Variants in SAMD4A observed in about 807,000 individuals in gnomAD.
The protein encoded by SAMD4A is protein Smaug homolog 1.
A neutral mutation model predicts 81.3 loss-of-function variants in SAMD4A; 33 were observed. The observed-to-expected ratio is 0.41, with a 90% CI of 0.31 to 0.54. The LOEUF (loss-of-function observed/expected upper bound fraction) is 0.54. SAMD4A is among the 20% of genes least tolerant of loss of function. The pLI, the probability that SAMD4A is intolerant of heterozygous loss-of-function variation, is 0.37. For synonymous variants in SAMD4A, 389 were observed against 382.1 expected, an observed-to-expected ratio of 1.02 and a Z score of -0.21; for missense variants, 854 against 951.1, an observed-to-expected ratio of 0.90 and a Z score of 1.34.
chr14:54,703,766 G>C (rs2036780889), intron 3 of SAMD4A: 1 of 152,222 alleles, frequency 6.6e-6, no homozygotes, highest in African/African-American at 2.4e-5. Context: ...CTACTCGGGA[G>C]GCTGAGGTTA....
rs1383274649 is a variant in SAMD4A at position 54,760,205 on chromosome 14, G to A, written c.1221G>A (p.Leu407=). ...GCCTGCGCATCCCGCTCCAGGAACTGCACCAGATGATCCTGACTCCGATCA... is the reference window on the plus strand; with the variant it reads ...GCCTGCGCATCCCGCTCCAGGAACTACACCAGATGATCCTGACTCCGATCA... The part of the protein sequence containing the change: ...GGSLRIPLQE[L]HQMILTPIKA... Residue 407 remains leucine, a synonymous_variant, in exon 7 of 13, where the codon CTG becomes CTA. Transcript: ENST00000554335. 1.9e-6 allele frequency: 3 copies of A among 1,613,332 alleles called. No individual in the cohort carries two copies. In the African/African-American group the frequency reaches 4.0e-5, roughly 22 times the overall value.
At chr14:54,582,464 G>T (rs750319182) in intron 2 of SAMD4A, among the ~76,000 whole-genome samples, 1 of 152,154 alleles carries the variant, frequency 6.6e-6, no homozygotes, top group African/African-American at 2.4e-5. Flanking sequence ...CAAAGAAGAA[G>T]ATGCCTCGTC....
intron 2 of SAMD4A, among the ~76,000 whole-genome samples, chr14:54,628,859 T>C: frequency 6.6e-6 from 1 of 152,188 alleles, no homozygotes; most frequent in East Asian, 1.9e-4. Context: ...TTGTCTCTAA[T>C]GGATCTGTAT....
chr14:54,587,125 C>T (rs2033644173), intron 2 of SAMD4A, among the ~76,000 whole-genome samples: 1 of 151,962 alleles, frequency 6.6e-6, no homozygotes, highest in Non-Finnish European at 1.5e-5. Flanking sequence ...TGTAGTTTTC[C>T]TTATAGGGAT....
intron 2 of SAMD4A, among the ~76,000 whole-genome samples, chr14:54,649,198 G>T (rs755512441): frequency 6.6e-6 from 1 of 152,196 alleles, no homozygotes; most frequent in Non-Finnish European, 1.5e-5. Flanking sequence ...TTGAACATGT[G>T]ATCCTGGAGC....
chr14:54,574,058 T>C (rs2033213076), intron 2 of SAMD4A, among the ~76,000 whole-genome samples: 1 of 152,216 alleles, frequency 6.6e-6, no homozygotes, highest in East Asian at 1.9e-4. Flanking sequence ...TAATGGTACC[T>C]GACAAAGTGT....
intron 7 of SAMD4A, among the ~76,000 whole-genome samples, chr14:54,763,751 G>A (rs1030737362): frequency 2.7e-4 from 41 of 152,220 alleles, no homozygotes; most frequent in African/African-American, 8.9e-4. Flanking sequence ...TCGGGGAATC[G>A]TCACCTCTAC....
At chr14:54,771,317 C>A (rs1340533323) in intron 9 of SAMD4A, among the ~76,000 whole-genome samples, 1 of 152,154 alleles carries the variant, frequency 6.6e-6, no homozygotes, top group Non-Finnish European at 1.5e-5. Context: ...TCATGACAAC[C>A]ATGTGAGGTA....
At position 54,782,780 on chromosome 14, in the gene SAMD4A, C is replaced by A. The variant is rs139037957; in HGVS notation, c.2045-1757C>A. On this transcript the variant is annotated intron_variant, in intron 11 of 12. Coordinates refer to ENST00000554335, the MANE Select transcript of SAMD4A (RefSeq NM_015589.6). ...GGGAAACACACATTGCAGAGATTAT[C>A]TTAATGTATAGCAAATCAAGGAAAA... Among the ~76,000 whole-genome samples the A allele has an allele frequency of 3.3e-5, 5 of 152,366 alleles. No homozygotes were observed. The East Asian group carries it at 7.7e-4, about 23-fold the overall frequency.
intron 11 of SAMD4A, 118 bp from the exon 12 acceptor site, chr14:54,784,419 G>A (rs758770223): frequency 1.2e-5 from 19 of 1,605,644 alleles, no homozygotes; most frequent in East Asian, 6.7e-5. Flanking sequence ...CCATGCCAGC[G>A]CTGACAGTCC....
intron 11 of SAMD4A, 108 bp from the exon 12 acceptor site, chr14:54,784,429 C>A: frequency 6.2e-7 from 1 of 1,610,774 alleles, no homozygotes; most frequent in South Asian, 1.1e-5. Context: ...GCTGACAGTC[C>A]CCAAGTCCTC....
chr14:54,694,294 T>C (rs2140685926), intron 2 of SAMD4A: 1 of 152,702 alleles, frequency 6.5e-6, no homozygotes, highest in Admixed American at 6.5e-5. Context: ...TGCAGAAACA[T>C]GGTGAGGGGT....
At chr14:54,571,898 A>G (rs941124186) in intron 2 of SAMD4A, among the ~76,000 whole-genome samples, 16 of 152,174 alleles carry the variant, frequency 1.1e-4, no homozygotes, top group African/African-American at 3.9e-4. Flanking sequence ...TGTTGGTTCC[A>G]TGATTTTTAT....
At chr14:54,667,651 G>A in intron 2 of SAMD4A, among the ~76,000 whole-genome samples, 1 of 152,142 alleles carries the variant, frequency 6.6e-6, no homozygotes, top group Non-Finnish European at 1.5e-5. Flanking sequence ...TGACTTGTGG[G>A]GACGGCTCTG....
intron 2 of SAMD4A, among the ~76,000 whole-genome samples, chr14:54,636,858 G>A (rs2035045503): frequency 6.6e-6 from 1 of 152,114 alleles, no homozygotes; most frequent in Non-Finnish European, 1.5e-5. Context: ...CTGAAATTGA[G>A]ATATTGATTA....
chr14:54,720,612 A>T (rs943108757), intron 3 of SAMD4A, among the ~76,000 whole-genome samples: 1 of 152,176 alleles, frequency 6.6e-6, no homozygotes, highest in Non-Finnish European at 1.5e-5. Flanking sequence ...AGGGCCTGTT[A>T]GGAGTAAGGT....
rs763543529 is a variant in SAMD4A, at chr14:54,775,079, A to C, written c.1861A>C (p.Ser621Arg). The C allele has an allele frequency of 6.2e-7, 1 of 1,614,148 alleles. No homozygotes were observed. The highest frequency in any genetic ancestry group is 1.7e-5 in the Admixed American group (1 of 60,026). The change falls in exon 10 of 13, where the codon AGC (serine) becomes CGC (arginine). Residue 621 changes from serine (S) to arginine (R), a missense_variant. By Grantham distance (110) the Ser-to-Arg change is moderately radical (BLOSUM62 -1). This residue lies in a region of SAMD4A where 428 missense variants were observed against 471.2 expected (regional missense o/e 0.91). Coordinates refer to ENST00000554335, the MANE Select transcript of SAMD4A (RefSeq NM_015589.6). The part of the protein sequence containing the change: ...LGLLGTSGFV[S>R]SNQRNTTATP... ...CCTCTTGGGCACCAGTGGATTCGTC[A>C]GCTCCAACCAGCGCAACACCACAGC...
intron 2 of SAMD4A, among the ~76,000 whole-genome samples, chr14:54,634,039 T>C (rs2034968992): frequency 6.6e-6 from 1 of 152,112 alleles, no homozygotes; most frequent in Non-Finnish European, 1.5e-5. Flanking sequence ...GGCTCACGCC[T>C]GTAATTCCAG....
chr14:54,747,733 T>C (rs1273356753), intron 4 of SAMD4A, among the ~76,000 whole-genome samples: 6 of 152,214 alleles, frequency 3.9e-5, no homozygotes, highest in African/African-American at 9.7e-5. Flanking sequence ...AGGAATGAGC[T>C]AGGAATCAGG....
Sources: gnomAD v4.1 joint callset for allele counts (sites outside exome capture counted in the v4.1 genomes callset) on GRCh38, gnomAD v4.1.1 for gene constraint, gnomAD v4.1.1 regional missense constraint, MANE v1.5 for transcripts, NCBI Gene and HGNC (gene_info 2026-07-23, HGNC 2026-07-21) for gene names.